Variants in STAC observed in about 807,000 individuals in gnomAD.
STAC encodes SH3 and cysteine rich domain.
In STAC, 43 loss-of-function variants were observed where a neutral mutation model predicts 48.8. The ratio of observed to expected loss-of-function variants is 0.88; its 90% CI spans 0.69 to 1.14. The LOEUF (loss-of-function observed/expected upper bound fraction) is 1.14, where lower values mean the gene tolerates loss of function less well. Ranked by LOEUF, STAC falls within the 50% of genes most tolerant of loss-of-function variation. STAC has a pLI of 0.00. For missense variants in STAC, 497 were observed against 504.0 expected, an observed-to-expected ratio of 0.99 and a Z score of 0.13; for synonymous variants, 193 against 179.5, an observed-to-expected ratio of 1.07 and a Z score of -0.60.
chr3:36,425,112 T>A (rs565555494), intron 1 of STAC, among the ~76,000 whole-genome samples: 6 of 152,296 alleles, frequency 3.9e-5, no homozygotes, highest in Admixed American at 3.9e-4. Flanking sequence ...GATGATTTTT[T>A]AAAAAGTCTT....
At chr3:36,490,862 CA>C (rs1697949671) in intron 5 of STAC, among the ~76,000 whole-genome samples, 1 of 152,140 alleles carries the variant, frequency 6.6e-6, no homozygotes, top group Admixed American at 6.5e-5. Context: ...GTTTTAGGAG[CA>C]AAAAGCATAG....
At chr3:36,487,481 T>A (rs2125702721) in intron 5 of STAC, among the ~76,000 whole-genome samples, 1 of 152,332 alleles carries the variant, frequency 6.6e-6, no homozygotes, top group South Asian at 2.1e-4. Context: ...CATCAGATAG[T>A]TCTTTCTTCT....
intron 10 of STAC, among the ~76,000 whole-genome samples, chr3:36,543,911 T>G (rs561115306): frequency 6.6e-6 from 1 of 152,358 alleles, no homozygotes; most frequent in Non-Finnish European, 1.5e-5. Flanking sequence ...TTTGATTTTT[T>G]AATTTAAATA....
chr3:36,502,422 C>G (rs886747575), intron 6 of STAC, among the ~76,000 whole-genome samples: 11 of 152,118 alleles, frequency 7.2e-5, no homozygotes, highest in Non-Finnish European at 1.5e-4. Flanking sequence ...CTTCTTGCAA[C>G]CATACATGAA....
chr3:36,466,839 TC>T (rs1255106177), intron 2 of STAC, among the ~76,000 whole-genome samples: 1 of 152,074 alleles, frequency 6.6e-6, no homozygotes, highest in African/African-American at 2.4e-5. Flanking sequence ...GCCCTTTATT[TC>T]TTTCTCTTGT....
intron 2 of STAC, among the ~76,000 whole-genome samples, chr3:36,453,177 G>A (rs980415984): frequency 4.6e-5 from 7 of 152,244 alleles, no homozygotes; most frequent in Non-Finnish European, 8.8e-5. Context: ...AGGTGACAGC[G>A]TGCTGGCAGT....
intron 1 of STAC, among the ~76,000 whole-genome samples, chr3:36,389,491 C>T (rs1490682248): frequency 6.6e-6 from 1 of 152,094 alleles, no homozygotes; most frequent in Non-Finnish European, 1.5e-5. Flanking sequence ...TAATTTTCAA[C>T]AAATGAATTT....
chr3:36,484,247 G>C (rs929644962), intron 3 of STAC, among the ~76,000 whole-genome samples: 1 of 152,152 alleles, frequency 6.6e-6, no homozygotes, highest in Non-Finnish European at 1.5e-5. Flanking sequence ...ACAGTGTAAC[G>C]ACAAGGGACA....
intron 8 of STAC, among the ~76,000 whole-genome samples, chr3:36,513,867 A>G (rs1013583579): frequency 6.6e-6 from 1 of 150,886 alleles, no homozygotes; most frequent in Admixed American, 6.6e-5. Flanking sequence ...AGGGGAGAAG[A>G]GAGAGAGAGA....
chr3:36,434,187 C>T (rs56344205), intron 1 of STAC, among the ~76,000 whole-genome samples: 5 of 152,204 alleles, frequency 3.3e-5, no homozygotes, highest in Admixed American at 2.0e-4. Flanking sequence ...ATCTGCATGG[C>T]GGCTGGAGTG....
chr3:36,529,302 A>G (rs1464036661), intron 10 of STAC: 1 of 175,072 alleles, frequency 5.7e-6, no homozygotes, highest in Non-Finnish European at 1.2e-5. Flanking sequence ...GCTCTGAGTT[A>G]GCGTCCAACA....
chr3:36,427,871 T>C (rs1700604577), intron 1 of STAC, among the ~76,000 whole-genome samples: 1 of 152,164 alleles, frequency 6.6e-6, no homozygotes, highest in Non-Finnish European at 1.5e-5. Flanking sequence ...CTATGATATT[T>C]CTACCAAAAA....
intron 6 of STAC, among the ~76,000 whole-genome samples, chr3:36,498,355 G>A (rs1244879452): frequency 6.6e-6 from 1 of 152,158 alleles, no homozygotes; most frequent in Non-Finnish European, 1.5e-5. Flanking sequence ...AGAAATGTTA[G>A]GGTATAGTTA....
chr3:36,403,466 T>A (rs1175944601), intron 1 of STAC, among the ~76,000 whole-genome samples: 1 of 151,816 alleles, frequency 6.6e-6, no homozygotes, highest in Non-Finnish European at 1.5e-5. Context: ...TCCATTTTAG[T>A]GGAAAATTTT....
chr3:36,476,102 C>T (rs1223362834), intron 2 of STAC, among the ~76,000 whole-genome samples: 1 of 152,214 alleles, frequency 6.6e-6, no homozygotes, highest in African/African-American at 2.4e-5. Context: ...GGGGCGAAGC[C>T]CCAGTATTCT....
At chr3:36,537,390 G>T (rs1207402521) in intron 10 of STAC, among the ~76,000 whole-genome samples, 7 of 152,174 alleles carry the variant, frequency 4.6e-5, no homozygotes, top group Non-Finnish European at 1.0e-4. Context: ...CATGTCCTTT[G>T]CAGGGACATG....
At chr3:36,436,299 T>G (rs967536274) in intron 1 of STAC, among the ~76,000 whole-genome samples, 4 of 152,192 alleles carry the variant, frequency 2.6e-5, no homozygotes, top group Admixed American at 1.3e-4. Flanking sequence ...GTTTCCATCT[T>G]GCCTTCCTAC....
In STAC at chr3:36,456,067, GCA is replaced by G. The variant is rs10633221; in HGVS notation, c.388+12443_388+12444del. 1.4e-4 allele frequency among the ~76,000 whole-genome samples: 21 copies of G among 150,260 alleles called. No homozygotes were observed. The South Asian group carries it at 1.7e-3, about 12-fold the overall frequency. On this transcript the variant is annotated intron_variant, in intron 2 of 10. Transcript: ENST00000273183. ...ATGTGCATCACATACACACACGTGC[GCA>G]CACACACACACACACTCCTGCCTCC...
Position 36,380,547 on chromosome 3 carries a change from C to T in STAC, c.-97C>T. On this transcript the variant is annotated 5_prime_UTR_variant, in exon 1 of 11. Transcript: ENST00000273183. ...TCGGCGAGGATGGGAGTCCCCAGGACCCGGAGCTGAGCAGCCTGGCGCGCG... is the reference window on the plus strand; with the variant it reads ...TCGGCGAGGATGGGAGTCCCCAGGATCCGGAGCTGAGCAGCCTGGCGCGCG... 1 of 984,696 alleles carries T rather than the reference C, an allele frequency of 1.0e-6. No individual in the cohort carries two copies. Among genetic ancestry groups the T allele is most frequent in the South Asian group, 1.4e-5 (1 of 70,048 alleles). The allele number at this position is 984,696 out of a possible 1,614,324, so 61.0% of individuals were successfully genotyped here. A position where few individuals can be genotyped will look rare whatever the true frequency, so the allele number is the denominator to read the frequency against.
Sources: gnomAD v4.1 joint callset for allele counts (sites outside exome capture counted in the v4.1 genomes callset) on GRCh38, gnomAD v4.1.1 for gene constraint, MANE v1.5 for transcripts, NCBI Gene and HGNC (gene_info 2026-07-23, HGNC 2026-07-21) for gene names.